Variants in PRPH observed in about 807,000 individuals in gnomAD.
PRPH encodes peripherin.
In PRPH, 48 loss-of-function variants were observed where a neutral mutation model predicts 52.6. That is an observed-to-expected ratio of 0.91 (90% CI 0.72 to 1.16). PRPH has a LOEUF of 1.16. PRPH is among the 50% of genes most tolerant of loss of function. PRPH has a pLI of 0.00. For missense variants in PRPH, 579 were observed against 635.7 expected (o/e 0.91, Z 0.96); for synonymous variants, 279 against 283.8 (o/e 0.98, Z 0.17).
rs2137040665 is a variant in PRPH, at chr12:49,297,719, G to C, written c.1260G>C (p.Lys420Asn). Residue 420 changes from lysine (K) to asparagine (N), a missense_variant, in exon 7 of 9, where the codon AAG (lysine) becomes AAC (asparagine). By Grantham distance (94) the Lys-to-Asn change is moderately conservative. Transcript: ENST00000257860. This position sits in a 1 kb window ranked among gnomAD's most constrained non-coding sequence, Gnocchi z 4.4. ...ATTCTTTTGCCTCCTTAAATATAAA[G>C]ACGACTGGTGAGTCTGGCTTACAGC... The part of the protein sequence containing the change: ...PVHSFASLNI[K>N]TTVPEVEPPQ... 6.2e-7 allele frequency: 1 copy of C among 1,613,734 alleles called. No individual in the cohort carries two copies. The highest frequency in any genetic ancestry group is 1.7e-5 in the Admixed American group (1 of 60,022).
In PRPH at chr12:49,297,299, C is replaced by T; in HGVS notation, c.996+26C>T. ...GTGAGTACGAAGCTGCGCGCTCGGG[C>T]CCGGGGAGCGGACGATGAAATGTTC... On this transcript the variant is annotated intron_variant, in intron 5 of 8. Transcript: ENST00000257860. This position sits in a 1 kb window ranked among gnomAD's most constrained non-coding sequence, Gnocchi z 4.4. 3 of 1,613,766 alleles carry T rather than the reference C, an allele frequency of 1.9e-6. No individual in the cohort carries two copies. The highest frequency in any genetic ancestry group is 2.2e-5 in the South Asian group (2 of 91,082).
rs745591283 is a variant in PRPH, at chr12:49,297,134, C to A, written c.871-14C>A. The A allele has an allele frequency of 2.5e-6, 4 of 1,613,974 alleles. No individual in the cohort carries two copies. The South Asian group carries it at 3.3e-5, about 13-fold the overall frequency. ...TCCCAGCCGACTAAAGCCTGGGTTA[C>A]CCCCACTTCTCAGTACGCGGACCTG... On this transcript the variant is annotated splice_polypyrimidine_tract_variant and intron_variant, in intron 4 of 8. Coordinates refer to ENST00000257860, the MANE Select transcript of PRPH (RefSeq NM_006262.4). This position sits in a 1 kb window ranked among gnomAD's most constrained non-coding sequence, Gnocchi z 4.4.
Position 49,297,234 on chromosome 12 carries a change from C to T in PRPH, c.957C>T (p.Ile319=), listed in dbSNP as rs751121962. 1.2e-5 allele frequency: 20 copies of T among 1,613,934 alleles called. No individual in the cohort carries two copies. In the East Asian group the frequency reaches 4.2e-4, roughly 34 times the overall value. Residue 319 remains isoleucine, a synonymous_variant, in exon 5 of 9, where the codon ATC becomes ATT. Transcript: ENST00000257860. This position sits in a 1 kb window ranked among gnomAD's most constrained non-coding sequence, Gnocchi z 4.4. Reference sequence around the variant, plus strand: ...AGATGAACGAGTCCCGACGCCAGATCCAGAGTCTAACGTGCGAGGTGGACG... The same window carrying T: ...AGATGAACGAGTCCCGACGCCAGATTCAGAGTCTAACGTGCGAGGTGGACG... ...KQEMNESRRQ[I]QSLTCEVDGL...
rs1170215626 is a variant in PRPH, at chr12:49,297,437, G to A, written c.1077G>A (p.Ala359=). The A allele has an allele frequency of 8.7e-6, 14 of 1,609,280 alleles. No individual in the cohort carries two copies. In the East Asian group the frequency reaches 1.1e-4, roughly 13 times the overall value. Residue 359 remains alanine (A), a synonymous_variant, in exon 6 of 9, where the codon GCG becomes GCA. Coordinates refer to ENST00000257860, the MANE Select transcript of PRPH (RefSeq NM_006262.4). This position sits in a 1 kb window ranked among gnomAD's most constrained non-coding sequence, Gnocchi z 4.4. ...LEAGGYQAGA[A]RLEEELRQLK... ...CGGGGGGCTACCAGGCGGGCGCTGC[G>A]CGGCTCGAGGAGGAGCTGCGACAGC...
At chr12:49,295,831 C>G in intron 1 of PRPH, 86 bp downstream of exon 1, 1 of 1,437,984 alleles carries the variant, frequency 7.0e-7, no homozygotes, top group South Asian at 1.5e-5. Context: ...CTCGCTTCCC[C>G]TCTCCATCAG....
chr12:49,297,756 C>T lies in PRPH; in HGVS notation c.1267+30C>T. On this transcript the variant is annotated intron_variant, in intron 7 of 8. Transcript: ENST00000257860. This position sits in a 1 kb window ranked among gnomAD's most constrained non-coding sequence, Gnocchi z 4.4. ...GTCTGGCTTACAGCCTGTACCTCTC[C>T]TTGTCCACTTCTGCCCTCCTCGGGC... 4.3e-6 allele frequency: 7 copies of T among 1,611,780 alleles called. No individual in the cohort carries two copies. The highest frequency in any genetic ancestry group is 4.0e-5 in the African/African-American group (3 of 74,972).
chr12:49,295,581 G>A lies in PRPH; in HGVS notation c.381G>A (p.Gly127=), dbSNP rs1335316698. ...FLEQQNAALR[G]ELSQARGQEP... ...AGCAGCAGAACGCGGCCCTGCGCGG[G>A]GAGCTGAGCCAAGCCCGGGGCCAGG... is the stretch of plus-strand genomic sequence containing the variant. Residue 127 remains glycine (G), a synonymous_variant, in exon 1 of 9, where the codon GGG becomes GGA. Coordinates refer to ENST00000257860, the MANE Select transcript of PRPH (RefSeq NM_006262.4). 6.4e-7 allele frequency: 1 copy of A among 1,560,478 alleles called. No homozygotes were observed. The highest frequency in any genetic ancestry group is 2.4e-5 in the East Asian group (1 of 42,014).
Position 49,297,440 on chromosome 12 carries a change from G to A in PRPH, c.1080G>A (p.Arg360=). 1 of 1,609,588 alleles carries A rather than the reference G, an allele frequency of 6.2e-7. No individual in the cohort carries two copies. The highest frequency in any genetic ancestry group is 8.5e-7 in the Non-Finnish European group (1 of 1,179,122). Residue 360 remains arginine, a synonymous_variant, in exon 6 of 9, where the codon CGG becomes CGA. Coordinates refer to ENST00000257860, the MANE Select transcript of PRPH (RefSeq NM_006262.4). The surrounding 1 kb of genome is among the most constrained non-coding windows in gnomAD (Gnocchi z 4.4). The part of the protein sequence containing the change: ...EAGGYQAGAA[R]LEEELRQLKE... ...GGGGCTACCAGGCGGGCGCTGCGCG[G>A]CTCGAGGAGGAGCTGCGACAGCTAA...
At position 49,295,628 on chromosome 12, in the gene PRPH, T is replaced by C; in HGVS notation, c.428T>C (p.Leu143Pro). Residue 143 changes from leucine (L) to proline (P), a missense_variant, in exon 1 of 9, where the codon CTG (leucine) becomes CCG (proline). Coordinates refer to ENST00000257860, the MANE Select transcript of PRPH (RefSeq NM_006262.4). ...CAGGAGCCGGCGCGCGCCGACCAGC[T>C]GTGCCAGCAGGAGCTGCGCGAGCTG... The part of the protein sequence containing the change: ...RGQEPARADQ[L>P]CQQELRELRR... 1.3e-6 allele frequency: 2 copies of C among 1,544,820 alleles called. No individual in the cohort carries two copies. The highest frequency in any genetic ancestry group is 1.7e-6 in the Non-Finnish European group (2 of 1,145,496).
In PRPH at chr12:49,297,464, A is replaced by G. The variant is rs367981648; in HGVS notation, c.1104A>G (p.Leu368=). The G allele has an allele frequency of 1.2e-4, 194 of 1,612,454 alleles. No individual in the cohort carries two copies. The highest frequency in any genetic ancestry group is 1.5e-4 in the Non-Finnish European group (182 of 1,179,912). The change falls in exon 6 of 9, where the codon CTA becomes CTG. Residue 368 remains leucine (L), a synonymous_variant. Transcript: ENST00000257860. This position sits in a 1 kb window ranked among gnomAD's most constrained non-coding sequence, Gnocchi z 4.4. Reference sequence around the variant, plus strand: ...GGCTCGAGGAGGAGCTGCGACAGCTAAAAGAGGAGATGGCGCGGCACCTGA... The same window carrying G: ...GGCTCGAGGAGGAGCTGCGACAGCTGAAAGAGGAGATGGCGCGGCACCTGA... The part of the protein sequence containing the change: ...AARLEEELRQ[L]KEEMARHLRE...
chr12:49,297,644 G>T lies in PRPH; in HGVS notation c.1218-33G>T, dbSNP rs1943205943. The T allele has an allele frequency of 3.7e-6, 6 of 1,613,102 alleles. No individual in the cohort carries two copies. The highest frequency in any genetic ancestry group is 5.1e-6 in the Non-Finnish European group (6 of 1,179,968). ...ACTGGGCCGGGCAGGGCGGGGCCTGGGCAGGGGCGCTGACAACTTGCTTCG... is the reference window on the plus strand; with the variant it reads ...ACTGGGCCGGGCAGGGCGGGGCCTGTGCAGGGGCGCTGACAACTTGCTTCG... On this transcript the variant is annotated intron_variant, in intron 6 of 8. Transcript: ENST00000257860. The surrounding 1 kb of genome is among the most constrained non-coding windows in gnomAD (Gnocchi z 4.4).
Position 49,295,361 on chromosome 12 carries a change from C to G in PRPH, c.161C>G (p.Ser54Trp). ...RLLGSASPSS[S>W]VRLGSFRSPR... ...CTGGGCTCCGCGTCCCCGAGCTCCT[C>G]GGTGCGCCTGGGCAGCTTCCGTAGC... Residue 54 changes from serine (S) to tryptophan (W), a missense_variant, in exon 1 of 9, where the codon TCG (serine) becomes TGG (tryptophan). Coordinates refer to ENST00000257860, the MANE Select transcript of PRPH (RefSeq NM_006262.4). 1 of 1,609,912 alleles carries G rather than the reference C, an allele frequency of 6.2e-7. No individual in the cohort carries two copies. The highest frequency in any genetic ancestry group is 8.5e-7 in the Non-Finnish European group (1 of 1,179,006).
chr12:49,297,133 AC>A lies in PRPH; in HGVS notation c.871-10del. 1 of 1,613,692 alleles carries A rather than the reference AC, an allele frequency of 6.2e-7. No individual in the cohort carries two copies. The highest frequency in any genetic ancestry group is 8.5e-7 in the Non-Finnish European group (1 of 1,179,900). Reference sequence around the variant, plus strand: ...GTCCCAGCCGACTAAAGCCTGGGTTACCCCCACTTCTCAGTACGCGGACCTG... The same window carrying A: ...GTCCCAGCCGACTAAAGCCTGGGTTACCCCACTTCTCAGTACGCGGACCTG... On this transcript the variant is annotated splice_polypyrimidine_tract_variant and intron_variant, in intron 4 of 8. Coordinates refer to ENST00000257860, the MANE Select transcript of PRPH (RefSeq NM_006262.4). The surrounding 1 kb of genome is among the most constrained non-coding windows in gnomAD (Gnocchi z 4.4).
In PRPH at chr12:49,296,522, G is replaced by A. The variant is rs143427105; in HGVS notation, c.697G>A (p.Glu233Lys). ...DEIEFLKKLH[E>K]EELRDLQVSV... ...GATTGAGTTCCTCAAGAAGCTGCAC[G>A]AGGAGGTAAGTGGGCCCGGTATCAG... Residue 233 changes from glutamate to lysine, a missense_variant, in exon 3 of 9, where the codon GAG becomes AAG. Coordinates refer to ENST00000257860, the MANE Select transcript of PRPH (RefSeq NM_006262.4). This position sits in a 1 kb window ranked among gnomAD's most constrained non-coding sequence, Gnocchi z 5.1. 1.9e-4 allele frequency: 301 copies of A among 1,613,936 alleles called. No individual in the cohort carries two copies. The highest frequency in any genetic ancestry group is 2.5e-4 in the Non-Finnish European group (290 of 1,179,976).
Position 49,296,299 on chromosome 12 carries a change from A to C in PRPH, c.606+61A>C. 1 of 1,599,424 alleles carries C rather than the reference A, an allele frequency of 6.3e-7. No individual in the cohort carries two copies. Among genetic ancestry groups the C allele is most frequent in the Admixed American group, 1.7e-5 (1 of 58,588 alleles). On this transcript the variant is annotated intron_variant, in intron 2 of 8. Coordinates refer to ENST00000257860, the MANE Select transcript of PRPH (RefSeq NM_006262.4). This position sits in a 1 kb window ranked among gnomAD's most constrained non-coding sequence, Gnocchi z 5.1. ...ACCGCTACCCCCGATCTCAGTATCC[A>C]GAGGTGGCATCGGTGGGCGCGGGGA...
rs200519578 is a variant in PRPH at position 49,297,310 on chromosome 12, G to T, written c.996+37G>T. The T allele has an allele frequency of 6.2e-7, 1 of 1,613,816 alleles. No homozygotes were observed. Among genetic ancestry groups the T allele is most frequent in the South Asian group, 1.1e-5 (1 of 91,084 alleles). On this transcript the variant is annotated intron_variant, in intron 5 of 8. Transcript: ENST00000257860. The surrounding 1 kb of genome is among the most constrained non-coding windows in gnomAD (Gnocchi z 4.4). The stretch of plus-strand genomic sequence containing the variant: ...GCTGCGCGCTCGGGCCCGGGGAGCG[G>T]ACGATGAAATGTTCTGCAACTGGCC...
chr12:49,296,943 G>T lies in PRPH; in HGVS notation c.757G>T (p.Val253Leu). 1 of 1,613,638 alleles carries T rather than the reference G, an allele frequency of 6.2e-7. No individual in the cohort carries two copies. Among genetic ancestry groups the T allele is most frequent in the Non-Finnish European group, 8.5e-7 (1 of 1,179,938 alleles). ...GAGCCAGCAGGTGCAGCAGGTGGAGGTGGAAGCCACGGTGAAGCCCGAGCT... is the reference window on the plus strand; with the variant it reads ...GAGCCAGCAGGTGCAGCAGGTGGAGTTGGAAGCCACGGTGAAGCCCGAGCT... ...VESQQVQQVE[V>L]EATVKPELTA... Residue 253 changes from valine (V) to leucine (L), a missense_variant, in exon 4 of 9, where the codon GTG becomes TTG. Transcript: ENST00000257860. The surrounding 1 kb of genome is among the most constrained non-coding windows in gnomAD (Gnocchi z 5.1).
In PRPH at chr12:49,296,739, C is replaced by T. The variant is rs573425452; in HGVS notation, c.703-150C>T. ...ACCTCCGAAACCTGGCCTCTGGTCT[C>T]GCGCCCGCGGGGGCGCAGGGCTGTA... On this transcript the variant is annotated intron_variant, in intron 3 of 8. Coordinates refer to ENST00000257860, the MANE Select transcript of PRPH (RefSeq NM_006262.4). This position sits in a 1 kb window ranked among gnomAD's most constrained non-coding sequence, Gnocchi z 5.1. 2.3e-4 allele frequency: 306 copies of T among 1,323,010 alleles called. No individual in the cohort carries two copies. Among genetic ancestry groups the T allele is most frequent in the Admixed American group, 1.1e-3 (50 of 43,910 alleles). 82.0% of individuals were successfully genotyped at this position (1,323,010 alleles called of 1,614,324 possible).
In PRPH at chr12:49,298,365, C is replaced by T. The variant is rs371871845; in HGVS notation, c.*12C>T. 3.4e-5 allele frequency: 55 copies of T among 1,613,978 alleles called. No homozygotes were observed. The highest frequency in any genetic ancestry group is 7.7e-5 in the South Asian group (7 of 91,068). The stretch of plus-strand genomic sequence containing the variant: ...CCCACAGTTACTGAACCCCTTGGTC[C>T]GGAGCCTTGACTCTGCCCTAGGCCT... On this transcript the variant is annotated 3_prime_UTR_variant, in exon 9 of 9. Coordinates refer to ENST00000257860, the MANE Select transcript of PRPH (RefSeq NM_006262.4).
Sources: allele counts gnomAD v4.1 joint callset, GRCh38; gene constraint gnomAD v4.1.1; non-coding constraint Gnocchi (gnomAD v3.1); transcripts MANE v1.5; gene names NCBI Gene and HGNC (gene_info 2026-07-23, HGNC 2026-07-21).